KCNT1: variants seen among roughly 807,000 people sequenced by gnomAD.
KCNT1 encodes potassium channel subfamily T member 1.
KCNT1 carries 78 observed loss-of-function variants against 147.8 expected under a neutral mutation model. That is an observed-to-expected ratio of 0.53 (90% CI 0.44 to 0.64). KCNT1 has a LOEUF of 0.64. KCNT1 is among the 30% of genes least tolerant of loss of function. The probability of loss-of-function intolerance (pLI) is 0.00; values close to 1 mark genes in which losing one functional copy is unlikely to be tolerated. For synonymous variants in KCNT1, 867 were observed against 748.8 expected, an observed-to-expected ratio of 1.16 and a Z score of -2.58; for missense variants, 1,419 against 1,750.3, an observed-to-expected ratio of 0.81 and a Z score of 3.38.
Position 135,792,219 on chromosome 9 carries a change from G to A in KCNT1, c.*58G>A, listed in dbSNP as rs1834594518. 1.9e-6 allele frequency: 3 copies of A among 1,566,922 alleles called. No homozygotes were observed. The highest frequency in any genetic ancestry group is 1.8e-5 in the Admixed American group (1 of 57,064). On this transcript the variant is annotated 3_prime_UTR_variant, in exon 31 of 31. Coordinates refer to ENST00000371757, the MANE Select transcript of KCNT1 (RefSeq NM_020822.3). ...CCGGGGTCCTCAGGAAGGACGTGGA[G>A]GAGCGTGTGAGGACACGGTGGCACT...
chr9:135,736,155 C>A (rs1264321090), intron 2 of KCNT1, among the ~76,000 whole-genome samples: 8 of 152,150 alleles, frequency 5.3e-5, no homozygotes, highest in Admixed American at 5.2e-4. Context: ...TCAGCCATCA[C>A]CCCCCTGGCC....
At chr9:135,746,746 G>T (rs1234356847) in intron 2 of KCNT1, among the ~76,000 whole-genome samples, 2 of 152,184 alleles carry the variant, frequency 1.3e-5, no homozygotes. Context: ...GATGGAGCTG[G>T]CTGGGTGTTG....
At position 135,777,525 on chromosome 9, in the gene KCNT1, G is replaced by A. The variant is rs1313134564; in HGVS notation, c.2522+15G>A. ...CTGGACAACAAGTGAGGCTCCTGGG[G>A]CTCAGCCCACCCCGCCCACCCGGGC... On this transcript the variant is annotated intron_variant, in intron 21 of 30. Coordinates refer to ENST00000371757, the MANE Select transcript of KCNT1 (RefSeq NM_020822.3). 3 of 1,609,310 alleles carry A rather than the reference G, an allele frequency of 1.9e-6. No homozygotes were observed. The highest frequency in any genetic ancestry group is 1.7e-5 in the Admixed American group (1 of 59,836).
chr9:135,735,740 A>G lies in KCNT1; in HGVS notation c.255-14358A>G, dbSNP rs186988819. Among the ~76,000 whole-genome samples the G allele has an allele frequency of 5.2e-3, 786 of 152,284 alleles. 4 individuals are homozygous for G. Among genetic ancestry groups the G allele is most frequent in the Middle Eastern group, 0.037 (11 of 294 alleles). ...CAGATCCCTGGCTTGCAAGGACTCC[A>G]GGTCTGGGGTCAGAGCGTGGACAAG... On this transcript the variant is annotated intron_variant, in intron 2 of 30. Transcript: ENST00000371757.
rs534104764 is a variant in KCNT1 at position 135,745,977 on chromosome 9, A to G, written c.255-4121A>G. Among the ~76,000 whole-genome samples, 10 of 152,316 alleles carry G rather than the reference A, an allele frequency of 6.6e-5. No homozygotes were observed. In the South Asian group the frequency reaches 1.9e-3, roughly 28 times the overall value. On this transcript the variant is annotated intron_variant, in intron 2 of 30. Coordinates refer to ENST00000371757, the MANE Select transcript of KCNT1 (RefSeq NM_020822.3). ...GTCTACCCCAGCCGGGTCGGCCTAG[A>G]GCTGACCCCAGCCAGGCCTCTGCAG...
At chr9:135,774,410 T>C (rs1832990730) in intron 19 of KCNT1, among the ~76,000 whole-genome samples, 3 of 139,010 alleles carry the variant, frequency 2.2e-5, no homozygotes, top group African/African-American at 8.4e-5. Context: ...CGTGTGTGTG[T>C]GGTGTGTGTC....
intron 2 of KCNT1, among the ~76,000 whole-genome samples, chr9:135,723,234 G>A (rs1469195085): frequency 6.6e-6 from 1 of 152,250 alleles, no homozygotes; most frequent in Non-Finnish European, 1.5e-5. Flanking sequence ...CAGAGGCCTG[G>A]CAGGGTGGGT....
intron 2 of KCNT1, among the ~76,000 whole-genome samples, chr9:135,723,412 C>T (rs1836002953): frequency 6.6e-6 from 1 of 152,252 alleles, no homozygotes; most frequent in Non-Finnish European, 1.5e-5. Flanking sequence ...AGGGCCGGCG[C>T]CGGCATCCAC....
chr9:135,717,569 G>A (rs1438916412), intron 2 of KCNT1, among the ~76,000 whole-genome samples: 5 of 152,130 alleles, frequency 3.3e-5, no homozygotes, highest in South Asian at 2.1e-4. Context: ...TTCCGGGGGC[G>A]CAGGGGCAAG....
intron 2 of KCNT1, among the ~76,000 whole-genome samples, chr9:135,721,827 C>T (rs949718601): frequency 6.6e-6 from 1 of 152,228 alleles, no homozygotes; most frequent in African/African-American, 2.4e-5. Flanking sequence ...CAGGCCTGCT[C>T]GCCCTTGTCT....
intron 2 of KCNT1, among the ~76,000 whole-genome samples, chr9:135,720,991 C>T (rs147451076): frequency 0.012 from 1,833 of 152,236 alleles, 13 homozygotes; most frequent in Middle Eastern, 0.037. Flanking sequence ...GGGTGGGGCA[C>T]GAGGGACACA....
chr9:135,770,130 G>A, intron 16 of KCNT1, 75 bp downstream of exon 16: 1 of 1,434,594 alleles, frequency 7.0e-7, no homozygotes, highest in Non-Finnish European at 9.5e-7. Context: ...GGCCTGCTTG[G>A]GGGCGGGGAT....
chr9:135,755,415 A>C (rs971136044), intron 6 of KCNT1, among the ~76,000 whole-genome samples: 1 of 133,514 alleles, frequency 7.5e-6, no homozygotes, highest in Non-Finnish European at 1.6e-5. Context: ...GGTGACTCCA[A>C]CTCAGTGAGC....
intron 2 of KCNT1, among the ~76,000 whole-genome samples, chr9:135,743,230 C>T (rs1252879760): frequency 6.6e-6 from 1 of 152,116 alleles, no homozygotes; most frequent in Non-Finnish European, 1.5e-5. Context: ...CTGTGCCACT[C>T]CCCACTGAGC....
At chr9:135,705,784 C>T (rs963615906) in intron 1 of KCNT1, among the ~76,000 whole-genome samples, 2 of 152,122 alleles carry the variant, frequency 1.3e-5, no homozygotes, top group African/African-American at 4.8e-5. Flanking sequence ...TAGCAGCTGG[C>T]AAGTGTAACA....
chr9:135,708,489 T>C (rs1273954010), intron 1 of KCNT1, among the ~76,000 whole-genome samples: 2 of 152,234 alleles, frequency 1.3e-5, no homozygotes, highest in African/African-American at 4.8e-5. Context: ...GAACTGAGTG[T>C]GAACAAGAAT....
At chr9:135,707,514 C>A (rs1281953714) in intron 1 of KCNT1, among the ~76,000 whole-genome samples, 2 of 152,110 alleles carry the variant, frequency 1.3e-5, no homozygotes, top group Non-Finnish European at 1.5e-5. Flanking sequence ...GGCTGTGGGC[C>A]GATGCAGCTG....
chr9:135,726,272 C>A (rs1836135131), intron 2 of KCNT1, among the ~76,000 whole-genome samples: 1 of 152,054 alleles, frequency 6.6e-6, no homozygotes, highest in South Asian at 2.1e-4. Flanking sequence ...GGGCCAGCAG[C>A]CCCCGGGGGA....
chr9:135,736,810 C>T (rs1830360862), intron 2 of KCNT1: 1 of 370,414 alleles, frequency 2.7e-6, no homozygotes, highest in Admixed American at 4.6e-5. Flanking sequence ...GGGCCTGGGA[C>T]CCCGCTTGTC....
Sources: allele counts gnomAD v4.1 joint callset (sites outside exome capture counted in the v4.1 genomes callset), GRCh38; gene constraint gnomAD v4.1.1; transcripts MANE v1.5; gene names NCBI Gene and HGNC (gene_info 2026-07-23, HGNC 2026-07-21).